Variants in FANCI observed in about 807,000 individuals in gnomAD.
FANCI encodes the protein FA complementation group I.
In FANCI, 156 loss-of-function variants were observed where a neutral mutation model predicts 176.1. The observed-to-expected ratio is 0.89, with a 90% CI of 0.78 to 1.01. FANCI has a LOEUF of 1.01. FANCI is among the 50% of genes least tolerant of loss of function. FANCI has a pLI of 0.00. For missense variants in FANCI, 1,678 were observed against 1,534.1 expected (o/e 1.09, Z -1.57); for synonymous variants, 613 against 541.7 (o/e 1.13, Z -1.83).
chr15:89,254,383 TAAA>T (rs2052404999), intron 2 of FANCI, among the ~76,000 whole-genome samples: 1 of 151,848 alleles, frequency 6.6e-6, no homozygotes, highest in African/African-American at 2.4e-5. Context: ...TACCAGAAAG[TAAA>T]GAAGTGCTCA....
chr15:89,246,166 A>G (rs2051959825), intron 1 of FANCI, among the ~76,000 whole-genome samples: 1 of 151,994 alleles, frequency 6.6e-6, no homozygotes, highest in Admixed American at 6.5e-5. Context: ...ACTAGGCTGT[A>G]CTTCCCCCTT....
At chr15:89,300,003 G>C in intron 25 of FANCI, 37 bp downstream of exon 25, 2 of 1,609,986 alleles carry the variant, frequency 1.2e-6, no homozygotes, top group South Asian at 1.1e-5. Flanking sequence ...GCTTGATTTA[G>C]GTTTCTCCTT....
intron 22 of FANCI, 80 bp from the exon 23 acceptor site, chr15:89,293,753 T>C (rs2054152796): frequency 3.1e-6 from 4 of 1,281,536 alleles, no homozygotes; most frequent in Non-Finnish European, 4.5e-6. Context: ...TAAAGAAGCA[T>C]TGTGATTATT....
chr15:89,281,335 CTG>C (rs2053606403), intron 15 of FANCI, 35 bp downstream of exon 15: 1 of 1,612,534 alleles, frequency 6.2e-7, no homozygotes, highest in Non-Finnish European at 8.5e-7. Context: ...CTTGCCAAAA[CTG>C]AGGTTTAACT....
intron 2 of FANCI, among the ~76,000 whole-genome samples, chr15:89,250,571 G>T (rs776334505): frequency 4.0e-5 from 6 of 150,820 alleles, no homozygotes; most frequent in Admixed American, 1.3e-4. Context: ...GGGAGGGATA[G>T]CATTAGGAGA....
At chr15:89,280,344 A>G (rs1187767251) in intron 14 of FANCI, among the ~76,000 whole-genome samples, 2 of 152,172 alleles carry the variant, frequency 1.3e-5, no homozygotes, top group Non-Finnish European at 2.9e-5. Flanking sequence ...TTATCCTGGC[A>G]CTGAAGGTGC....
intron 2 of FANCI, among the ~76,000 whole-genome samples, chr15:89,248,643 ATTAT>A (rs769118872): frequency 7.9e-5 from 12 of 152,154 alleles, no homozygotes; most frequent in Non-Finnish European, 1.3e-4. Context: ...TAGCATTTAA[ATTAT>A]TTATTTAAAG....
chr15:89,260,427 T>G (rs911518664), intron 3 of FANCI, among the ~76,000 whole-genome samples: 1 of 152,216 alleles, frequency 6.6e-6, no homozygotes, highest in East Asian at 1.9e-4. Context: ...TTATTAAATT[T>G]GGGTTACTGG....
intron 2 of FANCI, among the ~76,000 whole-genome samples, chr15:89,257,564 CT>C (rs772551528): frequency 6.6e-5 from 10 of 152,186 alleles, no homozygotes; most frequent in Admixed American, 6.5e-4. Flanking sequence ...GACATTCCCC[CT>C]GTTTGTGTTT....
intron 32 of FANCI, 109 bp downstream of exon 32, chr15:89,306,303 A>G (rs2054715555): frequency 1.8e-6 from 2 of 1,106,294 alleles, no homozygotes; most frequent in African/African-American, 1.5e-5. Context: ...ACAAGAGAGC[A>G]TTTGCCTCCA....
At chr15:89,282,025 A>G in intron 16 of FANCI, 190 bp downstream of exon 16, 1 of 587,980 alleles carries the variant, frequency 1.7e-6, no homozygotes, top group Non-Finnish European at 3.1e-6. Flanking sequence ...CTTCAGAGCA[A>G]CCCTATGAAG....
Position 89,295,078 on chromosome 15 carries a change from C to T in FANCI, c.2620C>T (p.Leu874Phe), listed in dbSNP as rs2054202102. The T allele has an allele frequency of 2.6e-6, 4 of 1,551,652 alleles. No homozygotes were observed. Residue 874 changes from leucine (L) to phenylalanine (F), a missense_variant, in exon 24 of 38, where the codon CTC (leucine) becomes TTC (phenylalanine). Leu to Phe is a conservative substitution (Grantham distance 22). Transcript: ENST00000310775. ...AAACCCAGAAAAGATCTTTCAGAAC[C>T]TCTGTGACATAACTCGGTAAGCCAC... ...GQNPEKIFQNLCDITRVLLWR... is the reference protein window; with the variant it reads ...GQNPEKIFQNFCDITRVLLWR...
intron 27 of FANCI, among the ~76,000 whole-genome samples, chr15:89,301,735 C>T (rs1033297209): frequency 1.2e-4 from 19 of 152,048 alleles, no homozygotes; most frequent in African/African-American, 4.1e-4. Flanking sequence ...TCTTTGGTGC[C>T]TTCAACCTTC....
At chr15:89,264,661 T>G (rs1204583894) in intron 9 of FANCI, 54 bp downstream of exon 9, 1 of 1,506,208 alleles carries the variant, frequency 6.6e-7, no homozygotes, top group Admixed American at 1.7e-5. Context: ...ATCTTCTCAT[T>G]GTGTATTTTA....
intron 2 of FANCI, among the ~76,000 whole-genome samples, chr15:89,254,525 A>G (rs1394565598): frequency 6.6e-6 from 1 of 152,344 alleles, no homozygotes; most frequent in South Asian, 2.1e-4. Context: ...ACAGAGATTT[A>G]TAAGTCCATA....
intron 34 of FANCI, among the ~76,000 whole-genome samples, chr15:89,308,396 C>A (rs1336656070): frequency 1.3e-5 from 2 of 152,172 alleles, no homozygotes; most frequent in African/African-American, 2.4e-5. Flanking sequence ...TCTACTGTCT[C>A]CTAAGGCCAC....
chr15:89,283,092 C>T, intron 16 of FANCI, 44 bp from the exon 17 acceptor site: 1 of 1,601,904 alleles, frequency 6.2e-7, no homozygotes, highest in East Asian at 2.2e-5. Context: ...AAGCATATTC[C>T]TGTGAAATAG....
In FANCI at chr15:89,246,478, C is replaced by G. The variant is rs1021978025; in HGVS notation, c.-19-1151C>G. Among the ~76,000 whole-genome samples the G allele has an allele frequency of 3.8e-4, 58 of 152,308 alleles. 1 individual carries two copies. Among genetic ancestry groups the G allele is most frequent in the African/African-American group, 1.3e-3 (52 of 41,566 alleles). ...TCTAAATTCCTTAACCTGTTTACTT[C>G]CAGCCTATCTTTCCAGACTTCCTAC... On this transcript the variant is annotated intron_variant, in intron 1 of 37. Coordinates refer to ENST00000310775, the MANE Select transcript of FANCI (RefSeq NM_001113378.2).
chr15:89,305,034 C>G (rs1361956882), intron 28 of FANCI, 81 bp from the exon 29 acceptor site: 2 of 1,574,490 alleles, frequency 1.3e-6, no homozygotes, highest in Non-Finnish European at 1.7e-6. Context: ...CCTTGGCCTC[C>G]CAAAGTGCTG....
Sources: allele counts gnomAD v4.1 joint callset (sites outside exome capture counted in the v4.1 genomes callset), GRCh38; gene constraint gnomAD v4.1.1; transcripts MANE v1.5; gene names NCBI Gene and HGNC (gene_info 2026-07-23, HGNC 2026-07-21).